CABS1: variants seen among roughly 807,000 people sequenced by gnomAD.
The protein encoded by CABS1 is calcium binding protein, spermatid associated 1, also known as calcium-binding and spermatid-specific protein 1.
For missense variants in CABS1, 500 were observed against 464.3 expected (o/e 1.08, Z -0.71); for synonymous variants, 195 against 169.0 (o/e 1.15, Z -1.19).
At position 70,335,064 on chromosome 4, in the gene CABS1, A is replaced by G; in HGVS notation, c.25A>G (p.Ile9Val). 6.2e-7 allele frequency: 1 copy of G among 1,613,104 alleles called. No homozygotes were observed. Among genetic ancestry groups the G allele is most frequent in the Non-Finnish European group, 8.5e-7 (1 of 1,179,516 alleles). MAEDGLPK[I>V]YSHPPTESSK... ...CATGGCTGAAGATGGTTTGCCCAAA[A>G]TTTATTCTCATCCTCCAACAGAAAG... Residue 9 changes from isoleucine to valine, a missense_variant, in exon 1 of 2, where the codon ATT becomes GTT. Physicochemically the swap from Ile to Val is conservative, Grantham distance 29. Coordinates refer to ENST00000273936, the MANE Select transcript of CABS1 (RefSeq NM_033122.4).
rs763866965 is a variant in CABS1, at chr4:70,335,299, A to C, written c.260A>C (p.Lys87Thr). 6.2e-7 allele frequency: 1 copy of C among 1,613,834 alleles called. No individual in the cohort carries two copies. The highest frequency in any genetic ancestry group is 1.7e-5 in the Admixed American group (1 of 59,986). Residue 87 changes from lysine to threonine, a missense_variant, in exon 1 of 2, where the codon AAG (lysine) becomes ACG (threonine). Lys to Thr is a moderately conservative substitution (Grantham distance 78). Coordinates refer to ENST00000273936, the MANE Select transcript of CABS1 (RefSeq NM_033122.4). ...GATGATATGGGGACCGACTTTATTA[A>C]GTCAACAACTCACCTACAGAAAGAA... ...SEDDMGTDFI[K>T]STTHLQKEIT...
rs569782021 is a variant in CABS1 at position 70,335,492 on chromosome 4, A to G, written c.453A>G (p.Thr151=). ...KEDILLATID[T]GDAEISITSE... ...ATATCCTCTTAGCTACCATTGACACAGGAGATGCAGAGATCTCAATAACCT... is the reference window on the plus strand; with the variant it reads ...ATATCCTCTTAGCTACCATTGACACGGGAGATGCAGAGATCTCAATAACCT... The change falls in exon 1 of 2, where the codon ACA becomes ACG. Residue 151 remains threonine (T), a synonymous_variant. Transcript: ENST00000273936. 2.5e-6 allele frequency: 4 copies of G among 1,613,740 alleles called. No individual in the cohort carries two copies. The East Asian group carries it at 8.9e-5, about 36-fold the overall frequency.
chr4:70,335,017 A>G lies in CABS1; in HGVS notation c.-23A>G. ...TGAGTCCAGAAGCAAGACCTGTGAG[A>G]GTGCACAGTGCCACTTCGCCCCATG... is the stretch of plus-strand genomic sequence containing the variant. On this transcript the variant is annotated 5_prime_UTR_variant, in exon 1 of 2. Transcript: ENST00000273936. The G allele has an allele frequency of 4.4e-6, 7 of 1,597,850 alleles. No homozygotes were observed. Among genetic ancestry groups the G allele is most frequent in the Non-Finnish European group, 5.1e-6 (6 of 1,171,906 alleles).
Position 70,335,663 on chromosome 4 carries a change from T to A in CABS1, c.624T>A (p.Thr208=). ...NVPADEAVQV[T]DSTIPEAEIP... ...CTGCTGATGAGGCTGTCCAGGTCAC[T>A]GATTCCACTATTCCTGAGGCTGAAA... Residue 208 remains threonine, a synonymous_variant, in exon 1 of 2, where the codon ACT becomes ACA. Coordinates refer to ENST00000273936, the MANE Select transcript of CABS1 (RefSeq NM_033122.4). The A allele has an allele frequency of 6.2e-7, 1 of 1,613,604 alleles. No homozygotes were observed. Among genetic ancestry groups the A allele is most frequent in the South Asian group, 1.1e-5 (1 of 91,066 alleles).
rs755149938 is a variant in CABS1 at position 70,335,490 on chromosome 4, A to C, written c.451A>C (p.Thr151Pro). 4.6e-5 allele frequency: 75 copies of C among 1,613,614 alleles called. No individual in the cohort carries two copies. The highest frequency in any genetic ancestry group is 6.4e-5 in the Non-Finnish European group (75 of 1,179,812). Residue 151 changes from threonine to proline, a missense_variant, in exon 1 of 2, where the codon ACA becomes CCA. Thr to Pro is a conservative substitution (Grantham distance 38). Coordinates refer to ENST00000273936, the MANE Select transcript of CABS1 (RefSeq NM_033122.4). Reference sequence around the variant, plus strand: ...AGATATCCTCTTAGCTACCATTGACACAGGAGATGCAGAGATCTCAATAAC... The same window carrying C: ...AGATATCCTCTTAGCTACCATTGACCCAGGAGATGCAGAGATCTCAATAAC... The part of the protein sequence containing the change: ...KEDILLATID[T>P]GDAEISITSE...
chr4:70,335,515 C>T lies in CABS1; in HGVS notation c.476C>T (p.Thr159Ile), dbSNP rs778098018. The T allele has an allele frequency of 3.7e-6, 6 of 1,613,534 alleles. No homozygotes were observed. Among genetic ancestry groups the T allele is most frequent in the South Asian group, 1.1e-5 (1 of 91,074 alleles). Residue 159 changes from threonine to isoleucine, a missense_variant, in exon 1 of 2, where the codon ACC becomes ATC. Transcript: ENST00000273936. ...ACAGGAGATGCAGAGATCTCAATAA[C>T]CTCTGAAGTCTCTGGCACACTAAAG... ...IDTGDAEISI[T>I]SEVSGTLKDS...
In CABS1 at chr4:70,335,611, A is replaced by T. The variant is rs1438566013; in HGVS notation, c.572A>T (p.Tyr191Phe). The change falls in exon 1 of 2, where the codon TAT becomes TTT. Residue 191 changes from tyrosine to phenylalanine, a missense_variant. By Grantham distance (22) the Tyr-to-Phe change is conservative (BLOSUM62 3). Transcript: ENST00000273936. ...RKKDEADMSN[Y>F]NSSIKSNVPA... ...AAGGATGAAGCTGATATGAGCAATT[A>T]TAATTCCTCCATCAAATCCAATGTC... 3 of 1,613,498 alleles carry T rather than the reference A, an allele frequency of 1.9e-6. No individual in the cohort carries two copies. The highest frequency in any genetic ancestry group is 2.5e-6 in the Non-Finnish European group (3 of 1,179,770).
rs1187870589 is a variant in CABS1 at position 70,335,365 on chromosome 4, ACT to A, written c.329_330del (p.Ser110TyrfsTer28). ...GGCACTACAAACTCCATAACAAGAG[ACT>A]CTATTACCGAACATTTCATGCCAGT... is the stretch of plus-strand genomic sequence containing the variant. On this transcript the variant is annotated frameshift_variant, in exon 1 of 2. Coordinates refer to ENST00000273936, the MANE Select transcript of CABS1 (RefSeq NM_033122.4). LOFTEE classifies it low-confidence loss of function (END_TRUNC). 1.9e-6 allele frequency: 3 copies of A among 1,613,610 alleles called. No homozygotes were observed. The highest frequency in any genetic ancestry group is 2.7e-5 in the African/African-American group (2 of 74,934).
Position 70,336,227 on chromosome 4 carries a change from A to C in CABS1, c.1188A>C (p.Ter396TyrextTer17). 1 of 1,602,476 alleles carries C rather than the reference A, an allele frequency of 6.2e-7. No homozygotes were observed. Among genetic ancestry groups the C allele is most frequent in the Non-Finnish European group, 8.5e-7 (1 of 1,175,282 alleles). ...LKEEPDEFMI* is the reference protein window; with the variant it reads ...LKEEPDEFMIY ...AAGAACCCGATGAGTTCATGATTTA[A>C]AAGCAACAAAAGGGATACCATGTAG... The change falls in exon 1 of 2, where the codon TAA (stop) becomes TAC (tyrosine). Residue 396 changes from the stop codon to tyrosine, a stop_lost. Transcript: ENST00000273936.
chr4:70,335,117 T>C lies in CABS1; in HGVS notation c.78T>C (p.Ile26=), dbSNP rs149905226. ...GTAAAACACCAACTGCAGCAACCAT[T>C]TTCTTTGGGGCTGACAATGCTATTC... The part of the protein sequence containing the change: ...ESSKTPTAAT[I]FFGADNAIPK... Residue 26 remains isoleucine, a synonymous_variant, in exon 1 of 2, where the codon ATT becomes ATC. Coordinates refer to ENST00000273936, the MANE Select transcript of CABS1 (RefSeq NM_033122.4). 1,326 of 1,613,770 alleles carry C rather than the reference T, an allele frequency of 8.2e-4. 8 individuals carry two copies. The highest frequency in any genetic ancestry group is 1.0e-4 in the Non-Finnish European group (122 of 1,179,812).
chr4:70,336,257 G>A lies in CABS1; in HGVS notation c.*30G>A. 1.9e-6 allele frequency: 3 copies of A among 1,565,648 alleles called. No homozygotes were observed. Among genetic ancestry groups the A allele is most frequent in the East Asian group, 2.3e-5 (1 of 44,320 alleles). On this transcript the variant is annotated 3_prime_UTR_variant, in exon 1 of 2. Transcript: ENST00000273936. ...AACAAAAGGGATACCATGTAGAATTGTGCAATAGTCTAGCCAGCTAGCCTT... is the reference window on the plus strand; with the variant it reads ...AACAAAAGGGATACCATGTAGAATTATGCAATAGTCTAGCCAGCTAGCCTT...
Position 70,335,574 on chromosome 4 carries a change from T to A in CABS1, c.535T>A (p.Phe179Ile). The A allele has an allele frequency of 1.2e-6, 2 of 1,613,652 alleles. No individual in the cohort carries two copies. The highest frequency in any genetic ancestry group is 2.2e-5 in the South Asian group (2 of 91,074). The change falls in exon 1 of 2, where the codon TTT becomes ATT. Residue 179 changes from phenylalanine to isoleucine, a missense_variant. Phe to Ile is a conservative substitution (Grantham distance 21). Coordinates refer to ENST00000273936, the MANE Select transcript of CABS1 (RefSeq NM_033122.4). ...TGCTGGTGTTGCTGACGCTCCTGCC[T>A]TTCCACGTAAAAAGGATGAAGCTGA... Reference protein sequence around the residue: ...SSAGVADAPAFPRKKDEADMS... With the variant: ...SSAGVADAPAIPRKKDEADMS...
chr4:70,335,426 T>C lies in CABS1; in HGVS notation c.387T>C (p.Thr129=), dbSNP rs759129392. ...KIGNISSPVT[T]VSLIDFSTDI... The stretch of plus-strand genomic sequence containing the variant: ...GGAATATTTCATCACCAGTTACTAC[T>C]GTTTCTTTAATAGATTTTTCCACTG... Residue 129 remains threonine, a synonymous_variant, in exon 1 of 2, where the codon ACT becomes ACC. Coordinates refer to ENST00000273936, the MANE Select transcript of CABS1 (RefSeq NM_033122.4). The C allele has an allele frequency of 3.7e-6, 6 of 1,613,630 alleles. No individual in the cohort carries two copies. The highest frequency in any genetic ancestry group is 4.2e-6 in the Non-Finnish European group (5 of 1,179,814).
Position 70,335,512 on chromosome 4 carries a change from T to C in CABS1, c.473T>C (p.Ile158Thr). ...GACACAGGAGATGCAGAGATCTCAA[T>C]AACCTCTGAAGTCTCTGGCACACTA... Reference protein sequence around the residue: ...TIDTGDAEISITSEVSGTLKD... With the variant: ...TIDTGDAEISTTSEVSGTLKD... Residue 158 changes from isoleucine to threonine, a missense_variant, in exon 1 of 2, where the codon ATA becomes ACA. Ile to Thr is a moderately conservative substitution (Grantham distance 89, BLOSUM62 -1). Coordinates refer to ENST00000273936, the MANE Select transcript of CABS1 (RefSeq NM_033122.4). 6.2e-7 allele frequency: 1 copy of C among 1,613,662 alleles called. No individual in the cohort carries two copies. The highest frequency in any genetic ancestry group is 8.5e-7 in the Non-Finnish European group (1 of 1,179,768).
rs761637105 is a variant in CABS1 at position 70,335,580 on chromosome 4, C to T, written c.541C>T (p.Arg181Cys). 8.1e-6 allele frequency: 13 copies of T among 1,613,592 alleles called. No homozygotes were observed. The highest frequency in any genetic ancestry group is 1.0e-5 in the Non-Finnish European group (12 of 1,179,756). ...AGVADAPAFPRKKDEADMSNY... is the reference protein window; with the variant it reads ...AGVADAPAFPCKKDEADMSNY... The stretch of plus-strand genomic sequence containing the variant: ...TGTTGCTGACGCTCCTGCCTTTCCA[C>T]GTAAAAAGGATGAAGCTGATATGAG... Residue 181 changes from arginine to cysteine, a missense_variant, in exon 1 of 2, where the codon CGT (arginine) becomes TGT (cysteine). Coordinates refer to ENST00000273936, the MANE Select transcript of CABS1 (RefSeq NM_033122.4).
intron 1 of CABS1, 150 bp downstream of exon 1, chr4:70,336,496 C>T (rs911479456): frequency 3.1e-6 from 1 of 325,728 alleles, no homozygotes; most frequent in Non-Finnish European, 5.7e-6. Flanking sequence ...TAAAATTTTT[C>T]GTCCTAGCCT....
Position 70,335,376 on chromosome 4 carries a change from G to A in CABS1, c.337G>A (p.Glu113Lys), listed in dbSNP as rs772622462. The change falls in exon 1 of 2, where the codon GAA (glutamate) becomes AAA (lysine). Residue 113 changes from glutamate to lysine, a missense_variant. Transcript: ENST00000273936. ...CTCCATAACAAGAGACTCTATTACC[G>A]AACATTTCATGCCAGTGAAAATTGG... ...TNSITRDSIT[E>K]HFMPVKIGNI... The A allele has an allele frequency of 7.4e-6, 12 of 1,613,528 alleles. No homozygotes were observed. The highest frequency in any genetic ancestry group is 2.7e-5 in the African/African-American group (2 of 74,846).
chr4:70,334,996 T>A lies in CABS1; in HGVS notation c.-44T>A. The A allele has an allele frequency of 1.3e-6, 2 of 1,567,926 alleles. No homozygotes were observed. Among genetic ancestry groups the A allele is most frequent in the Non-Finnish European group, 1.7e-6 (2 of 1,157,758 alleles). On this transcript the variant is annotated 5_prime_UTR_variant, in exon 1 of 2. Transcript: ENST00000273936. Reference sequence around the variant, plus strand: ...TCTCCTGCCTAGAGATACCACTGAGTCCAGAAGCAAGACCTGTGAGAGTGC... The same window carrying A: ...TCTCCTGCCTAGAGATACCACTGAGACCAGAAGCAAGACCTGTGAGAGTGC...
Position 70,336,091 on chromosome 4 carries a change from C to A in CABS1, c.1052C>A (p.Thr351Asn). 2.5e-6 allele frequency: 4 copies of A among 1,613,194 alleles called. No individual in the cohort carries two copies. Among genetic ancestry groups the A allele is most frequent in the Non-Finnish European group, 3.4e-6 (4 of 1,179,498 alleles). Reference protein sequence around the residue: ...EDLSETDNTETVPKITEPFSG... With the variant: ...EDLSETDNTENVPKITEPFSG... ...TTGTCTGAAACTGATAATACAGAGA[C>A]TGTACCTAAGATCACTGAGCCATTT... The change falls in exon 1 of 2, where the codon ACT becomes AAT. Residue 351 changes from threonine (T) to asparagine (N), a missense_variant. Thr to Asn is a moderately conservative substitution (Grantham distance 65, BLOSUM62 0). Coordinates refer to ENST00000273936, the MANE Select transcript of CABS1 (RefSeq NM_033122.4).
Sources: allele counts gnomAD v4.1 joint callset, GRCh38; gene constraint gnomAD v4.1.1; transcripts MANE v1.5; gene names NCBI Gene and HGNC (gene_info 2026-07-23, HGNC 2026-07-21).